ARL15: variants seen among roughly 807,000 people sequenced by gnomAD.
ARL15 encodes ARF like GTPase 15.
Under a neutral mutation model 25.2 loss-of-function variants are expected in ARL15, and 19 were observed. That is an observed-to-expected ratio of 0.75 (90% CI 0.53 to 1.10). The LOEUF (loss-of-function observed/expected upper bound fraction) is 1.10, where lower values mean the gene tolerates loss of function less well. ARL15 is among the 50% of genes least tolerant of loss of function. The pLI is 0.00. For synonymous variants in ARL15, 94 were observed against 86.8 expected (o/e 1.08, Z -0.46); for missense variants, 220 against 246.0 (o/e 0.89, Z 0.71).
intron 1 of ARL15, among the ~76,000 whole-genome samples, chr5:54,209,112 T>C (rs1374999222): frequency 1.3e-5 from 2 of 152,264 alleles, no homozygotes; most frequent in African/African-American, 4.8e-5. Flanking sequence ...GGCATAATAA[T>C]GTAAACACAT....
At chr5:54,268,903 G>C (rs1345647527) in intron 1 of ARL15, among the ~76,000 whole-genome samples, 1 of 152,158 alleles carries the variant, frequency 6.6e-6, no homozygotes, top group Non-Finnish European at 1.5e-5. Context: ...AAAAAATGAT[G>C]AGTTCATGTC....
chr5:54,305,874 C>A (rs1758741467), intron 1 of ARL15, among the ~76,000 whole-genome samples: 1 of 152,130 alleles, frequency 6.6e-6, no homozygotes. Flanking sequence ...TAAACAAATG[C>A]AATGAATATT....
At chr5:54,194,189 A>C (rs974747875) in intron 1 of ARL15, among the ~76,000 whole-genome samples, 1 of 152,154 alleles carries the variant, frequency 6.6e-6, no homozygotes, top group Admixed American at 6.5e-5. Flanking sequence ...CTATAACTTC[A>C]ATCAAAGAAC....
intron 1 of ARL15, among the ~76,000 whole-genome samples, chr5:54,252,367 T>C (rs1757253030): frequency 6.6e-6 from 1 of 152,186 alleles, no homozygotes; most frequent in South Asian, 2.1e-4. Context: ...ATCAAGAAAG[T>C]TCTGAAGTCC....
intron 1 of ARL15, among the ~76,000 whole-genome samples, chr5:54,276,475 G>A (rs1757933362): frequency 6.6e-6 from 1 of 152,132 alleles, no homozygotes; most frequent in South Asian, 2.1e-4. Flanking sequence ...CCCAGCATTA[G>A]GACTAGGCTA....
chr5:54,080,594 T>C (rs1751767657), intron 4 of ARL15, among the ~76,000 whole-genome samples: 1 of 152,180 alleles, frequency 6.6e-6, no homozygotes, highest in African/African-American at 2.4e-5. Context: ...GAAATAATAA[T>C]AGAAACATGT....
At chr5:54,041,152 C>T (rs1750331391) in intron 4 of ARL15, among the ~76,000 whole-genome samples, 1 of 152,182 alleles carries the variant, frequency 6.6e-6, no homozygotes, top group Admixed American at 6.5e-5. Context: ...GGAAAACCAT[C>T]CTCAGTCTCA....
At chr5:54,283,886 G>C (rs1042065143) in intron 1 of ARL15, among the ~76,000 whole-genome samples, 1 of 152,184 alleles carries the variant, frequency 6.6e-6, no homozygotes, top group African/African-American at 2.4e-5. Context: ...CTGACTCTGA[G>C]AAGAGCCCTT....
chr5:54,076,058 G>C (rs988773272), intron 4 of ARL15, among the ~76,000 whole-genome samples: 1 of 151,988 alleles, frequency 6.6e-6, no homozygotes, highest in African/African-American at 2.4e-5. Flanking sequence ...CCACAGAGTT[G>C]GTACAACGAT....
chr5:54,287,398 A>AG (rs977142275), intron 1 of ARL15, among the ~76,000 whole-genome samples: 1 of 151,906 alleles, frequency 6.6e-6, no homozygotes, highest in African/African-American at 2.4e-5. Flanking sequence ...TCATTCTTAT[A>AG]GGCATGTCAG....
intron 4 of ARL15, among the ~76,000 whole-genome samples, chr5:54,065,817 GTACTGATT>G (rs1449525447): frequency 2.7e-5 from 4 of 149,224 alleles, no homozygotes; most frequent in Non-Finnish European, 4.4e-5. Context: ...ATAATTTTCA[GTACTGATT>G]ACATACAAAT....
At chr5:54,075,812 T>C (rs1361284017) in intron 4 of ARL15, among the ~76,000 whole-genome samples, 1 of 152,116 alleles carries the variant, frequency 6.6e-6, no homozygotes, top group East Asian at 1.9e-4. Context: ...AGTTTTAAAA[T>C]TGTAGTAATT....
At chr5:54,252,026 T>G (rs936893543) in intron 1 of ARL15, among the ~76,000 whole-genome samples, 2 of 152,246 alleles carry the variant, frequency 1.3e-5, no homozygotes, top group Non-Finnish European at 2.9e-5. Flanking sequence ...TTTAAAATTC[T>G]CTGAATTTTT....
At chr5:54,123,969 A>T (rs1179515804) in intron 3 of ARL15, among the ~76,000 whole-genome samples, 1 of 152,242 alleles carries the variant, frequency 6.6e-6, no homozygotes, top group Non-Finnish European at 1.5e-5. Flanking sequence ...ACTTTGAAAC[A>T]TTGCCTGAGG....
At chr5:53,954,715 T>C (rs929577871) in intron 4 of ARL15, among the ~76,000 whole-genome samples, 2 of 152,130 alleles carry the variant, frequency 1.3e-5, no homozygotes, top group Non-Finnish European at 2.9e-5. Context: ...CTCAAAACGG[T>C]CAGTAAAATT....
At chr5:54,038,400 TAA>T (rs1272315145) in intron 4 of ARL15, among the ~76,000 whole-genome samples, 4 of 152,120 alleles carry the variant, frequency 2.6e-5, no homozygotes, top group Admixed American at 2.6e-4. Context: ...AAGATGAACT[TAA>T]GTTTACTTAA....
At chr5:54,128,343 G>A (rs187130792) in intron 3 of ARL15, among the ~76,000 whole-genome samples, 228 of 152,264 alleles carry the variant, frequency 1.5e-3, no homozygotes, top group African/African-American at 5.3e-3. Flanking sequence ...ACTGTTGTGG[G>A]CTGACAGATT....
chr5:54,236,407 G>GACACACACACAC (rs72439978), intron 1 of ARL15, among the ~76,000 whole-genome samples: 4 of 140,644 alleles, frequency 2.8e-5, no homozygotes, highest in African/African-American at 1.0e-4. Flanking sequence ...ACTAAACACA[G>GACACACACACAC]ACACACACAC....
intron 4 of ARL15, among the ~76,000 whole-genome samples, chr5:54,015,334 C>CAA (rs1749394964): frequency 6.7e-6 from 1 of 150,308 alleles, no homozygotes; most frequent in Non-Finnish European, 1.5e-5. Flanking sequence ...AACAAACAAA[C>CAA]AAAAAAACAC....
Sources: gnomAD v4.1 joint callset for allele counts (sites outside exome capture counted in the v4.1 genomes callset) on GRCh38, gnomAD v4.1.1 for gene constraint, MANE v1.5 for transcripts, NCBI Gene and HGNC (gene_info 2026-07-23, HGNC 2026-07-21) for gene names.